The following AFG1L variants were observed in gnomAD, a reference collection of about 807,000 sequenced individuals.
AFG1L encodes the protein AFG1-like ATPase.
A neutral mutation model predicts 62.2 loss-of-function variants in AFG1L; 53 were observed. The ratio of observed to expected loss-of-function variants is 0.85; its 90% CI spans 0.68 to 1.07. The LOEUF is 1.07. Ranked by LOEUF, AFG1L falls within the 50% of genes least tolerant of loss-of-function variation. The pLI, the probability that AFG1L is intolerant of heterozygous loss-of-function variation, is 0.00. For missense variants in AFG1L, 555 were observed against 590.5 expected, an observed-to-expected ratio of 0.94 and a Z score of 0.62; for synonymous variants, 228 against 210.3, an observed-to-expected ratio of 1.08 and a Z score of -0.73.
chr6:108,370,969 T>C (rs1232980403), intron 6 of AFG1L, among the ~76,000 whole-genome samples: 1 of 151,994 alleles, frequency 6.6e-6, no homozygotes, highest in Non-Finnish European at 1.5e-5. Flanking sequence ...TGGAGTGTCT[T>C]GGAAGGTCTT....
intron 6 of AFG1L, among the ~76,000 whole-genome samples, chr6:108,389,593 C>A (rs942154950): frequency 2.6e-5 from 4 of 152,072 alleles, no homozygotes; most frequent in African/African-American, 9.7e-5. Flanking sequence ...AATCTCTCAG[C>A]ATTTGCTTGT....
At chr6:108,357,945 T>C (rs1404947549) in intron 5 of AFG1L, among the ~76,000 whole-genome samples, 2 of 152,178 alleles carry the variant, frequency 1.3e-5, no homozygotes, top group Non-Finnish European at 1.5e-5. Context: ...CACTAAACCA[T>C]CTGGGGAAGA....
At chr6:108,436,079 T>C (rs1189246824) in intron 7 of AFG1L, among the ~76,000 whole-genome samples, 2 of 152,162 alleles carry the variant, frequency 1.3e-5, no homozygotes, top group African/African-American at 4.8e-5. Flanking sequence ...CCCATTTTGT[T>C]ATGTTACAAT....
chr6:108,441,954 A>G (rs2114737932), intron 7 of AFG1L, among the ~76,000 whole-genome samples: 1 of 152,152 alleles, frequency 6.6e-6, no homozygotes, highest in South Asian at 2.1e-4. Context: ...ATAGCAAAAA[A>G]TAAGAAAACT....
At chr6:108,415,555 G>T (rs975975805) in intron 7 of AFG1L, among the ~76,000 whole-genome samples, 1 of 152,208 alleles carries the variant, frequency 6.6e-6, no homozygotes, top group South Asian at 2.1e-4. Flanking sequence ...ACAGCATGGT[G>T]CTGGTACCAA....
intron 7 of AFG1L, among the ~76,000 whole-genome samples, chr6:108,422,554 G>A (rs1217542812): frequency 7.1e-6 from 1 of 140,024 alleles, no homozygotes; most frequent in African/African-American, 2.8e-5. Context: ...TTTGTTGGGG[G>A]AAGGAGGTGC....
chr6:108,479,032 A>G (rs1773232695), intron 10 of AFG1L, among the ~76,000 whole-genome samples: 1 of 152,218 alleles, frequency 6.6e-6, no homozygotes, highest in African/African-American at 2.4e-5. Context: ...CTTAGATTAA[A>G]CAATGAACAA....
intron 8 of AFG1L, 39 bp from the exon 9 acceptor site, chr6:108,476,826 T>A: frequency 6.8e-7 from 1 of 1,476,902 alleles, no homozygotes; most frequent in Non-Finnish European, 9.5e-7. Context: ...TGGCTTCAAG[T>A]GTTATTAATT....
At chr6:108,396,143 T>C (rs1343333026) in intron 6 of AFG1L, among the ~76,000 whole-genome samples, 1 of 151,994 alleles carries the variant, frequency 6.6e-6, no homozygotes, top group African/African-American at 2.4e-5. Flanking sequence ...CCTCTCAAAG[T>C]GCTGAGATTA....
intron 10 of AFG1L, among the ~76,000 whole-genome samples, chr6:108,495,276 A>ATGTTTGTTTAATGAACAGCTATCAG (rs1773930848): frequency 1.3e-5 from 2 of 152,234 alleles, no homozygotes; most frequent in Non-Finnish European, 2.9e-5. Context: ...GATACCACGC[A>ATGTTTGTTTAATGAACAGCTATCAG]TGTTTGTTTA....
chr6:108,494,185 C>T (rs1431163482), intron 10 of AFG1L, among the ~76,000 whole-genome samples: 1 of 152,038 alleles, frequency 6.6e-6, no homozygotes, highest in Admixed American at 6.5e-5. Flanking sequence ...CCCCCTGCTC[C>T]CCTGCCCCAG....
chr6:108,297,248 C>T (rs1776797795), intron 1 of AFG1L, among the ~76,000 whole-genome samples: 1 of 152,100 alleles, frequency 6.6e-6, no homozygotes, highest in Admixed American at 6.6e-5. Context: ...GCTGAGATCA[C>T]AGGCACCCAC....
At chr6:108,348,468 A>G (rs750854094) in intron 3 of AFG1L, among the ~76,000 whole-genome samples, 1 of 152,190 alleles carries the variant, frequency 6.6e-6, no homozygotes, top group South Asian at 2.1e-4. Context: ...CCTTGCATTG[A>G]ATGTCCGTTT....
At chr6:108,484,276 C>T (rs919262664) in intron 10 of AFG1L, among the ~76,000 whole-genome samples, 1 of 152,146 alleles carries the variant, frequency 6.6e-6, no homozygotes, top group East Asian at 1.9e-4. Context: ...GATTTCTGGC[C>T]TTGCCGTGTC....
At chr6:108,418,297 C>T (rs1443373496) in intron 7 of AFG1L, among the ~76,000 whole-genome samples, 1 of 152,108 alleles carries the variant, frequency 6.6e-6, no homozygotes, top group Non-Finnish European at 1.5e-5. Flanking sequence ...AAATTTTATG[C>T]TCATATATTT....
chr6:108,448,773 C>T (rs1771923018), intron 8 of AFG1L, among the ~76,000 whole-genome samples: 1 of 152,092 alleles, frequency 6.6e-6, no homozygotes, highest in African/African-American at 2.4e-5. Context: ...TAGAGGAAAA[C>T]CAACACTAAC....
At chr6:108,355,395 C>A (rs761978226) in intron 3 of AFG1L, among the ~76,000 whole-genome samples, 1 of 152,136 alleles carries the variant, frequency 6.6e-6, no homozygotes, top group African/African-American at 2.4e-5. Flanking sequence ...ACATAGTTTT[C>A]AGGGGGAAAT....
At chr6:108,518,672 T>G (rs1407593375) in intron 11 of AFG1L, among the ~76,000 whole-genome samples, 1 of 152,224 alleles carries the variant, frequency 6.6e-6, no homozygotes, top group Non-Finnish European at 1.5e-5. Flanking sequence ...GAATATGTTT[T>G]GTATTTAAAC....
At chr6:108,458,545 A>G (rs1054571206) in intron 8 of AFG1L, among the ~76,000 whole-genome samples, 54 of 152,034 alleles carry the variant, frequency 3.6e-4, no homozygotes, top group African/African-American at 1.3e-3. Flanking sequence ...GAACTCCTGG[A>G]CTCAAGAGAT....
Sources: allele counts gnomAD v4.1 joint callset (sites outside exome capture counted in the v4.1 genomes callset), GRCh38; gene constraint gnomAD v4.1.1; transcripts MANE v1.5; gene names NCBI Gene and HGNC (gene_info 2026-07-23, HGNC 2026-07-21).